TMED4: variants seen among roughly 807,000 people sequenced by gnomAD.
TMED4 encodes transmembrane emp24 domain-containing protein 4.
In TMED4, 19 loss-of-function variants were observed where a neutral mutation model predicts 26.5. The observed-to-expected ratio is 0.72, with a 90% CI of 0.50 to 1.05. The LOEUF is 1.05. Among genes scored for constraint, TMED4 ranks in the 50% least tolerant of loss-of-function variants. The probability of loss-of-function intolerance (pLI) is 0.00; values close to 1 mark genes in which losing one functional copy is unlikely to be tolerated. For synonymous variants in TMED4, 121 were observed against 119.8 expected (o/e 1.01, Z -0.07); for missense variants, 303 against 302.5 (o/e 1.00, Z -0.01).
chr7:44,581,859 T>G (rs777393634), intron 1 of TMED4, 36 bp from the exon 2 acceptor site: 180 of 1,603,436 alleles, frequency 1.1e-4, no homozygotes, highest in Admixed American at 3.5e-4. Flanking sequence ...CCGGCCCTAG[T>G]GGGCCGCCTC....
At chr7:44,582,008 C>G (rs368388972) in intron 1 of TMED4, 39 bp downstream of exon 1, 137 of 1,533,698 alleles carry the variant, frequency 8.9e-5, no homozygotes, top group Non-Finnish European at 1.2e-4. Context: ...GAGGGCTGAG[C>G]TGGGTACAAA....
Position 44,579,647 on chromosome 7 carries a change from G to A in TMED4, c.535-19C>T. 1.2e-6 allele frequency: 2 copies of A among 1,604,104 alleles called. No individual in the cohort carries two copies. The highest frequency in any genetic ancestry group is 2.2e-5 in the South Asian group (2 of 90,568). On this transcript the variant is annotated intron_variant, in intron 4 of 4. Transcript: ENST00000457408. ...CACGATACTGTGTGGGGCAACACAG[G>A]GTTAAGTGAGCAGGAGAAACAGTCT...
intron 4 of TMED4, 46 bp from the exon 5 acceptor site, chr7:44,579,674 G>A: frequency 6.3e-7 from 1 of 1,588,742 alleles, no homozygotes; most frequent in Non-Finnish European, 8.6e-7. Flanking sequence ...AAACAGTCTG[G>A]CTGTTGTGAG....
rs1803028127 is a variant in TMED4, at chr7:44,582,164, G to A, written c.43C>T (p.Gln15Ter). Residue 15 changes from glutamine to a stop codon, truncating the protein, a stop_gained, in exon 1 of 5, where the codon CAG becomes TAG. Transcript: ENST00000457408. LOFTEE classifies it high-confidence loss of function. ...GAGPLRAMGR[Q>*]ALLLLALCAT... is the part of the protein sequence containing the mutation. Reference sequence around the variant, plus strand: ...CACAGCGCGAGAAGCAGCAGGGCCTGCCGCCCCATCGCCCGCAGAGGCCCA... The same window carrying A: ...CACAGCGCGAGAAGCAGCAGGGCCTACCGCCCCATCGCCCGCAGAGGCCCA... The A allele has an allele frequency of 1.9e-6, 3 of 1,548,960 alleles. No individual in the cohort carries two copies. The highest frequency in any genetic ancestry group is 1.7e-6 in the Non-Finnish European group (2 of 1,146,394).
intron 2 of TMED4, 26 bp from the exon 3 acceptor site, chr7:44,581,600 C>G: frequency 1.2e-6 from 2 of 1,614,168 alleles, no homozygotes; most frequent in Non-Finnish European, 1.7e-6. Context: ...GTGAAGGCCC[C>G]ACCTTTATAC....
rs1433726360 is a variant in TMED4, at chr7:44,578,214, T to C, written c.*1265A>G. The stretch of plus-strand genomic sequence containing the variant: ...ACCACGAGTCCACAGTGAAGTCCAC[T>C]CCAGGTTATCTGCATAGGTAGCCCA... On this transcript the variant is annotated 3_prime_UTR_variant, in exon 5 of 5. Transcript: ENST00000457408. The C allele has an allele frequency of 6.6e-6, 1 of 152,200 alleles. No individual in the cohort carries two copies. Among genetic ancestry groups the C allele is most frequent in the Non-Finnish European group, 1.5e-5 (1 of 68,038 alleles). The allele number at this position is 152,200 out of a possible 1,614,324, so 9.4% of individuals were successfully genotyped here. A position where few individuals can be genotyped will look rare whatever the true frequency, so the allele number is the denominator to read the frequency against.
chr7:44,579,645 A>C lies in TMED4; in HGVS notation c.535-17T>G, dbSNP rs1212583213. ...TTCACGATACTGTGTGGGGCAACACAGGGTTAAGTGAGCAGGAGAAACAGT... is the reference window on the plus strand; with the variant it reads ...TTCACGATACTGTGTGGGGCAACACCGGGTTAAGTGAGCAGGAGAAACAGT... On this transcript the variant is annotated splice_polypyrimidine_tract_variant and intron_variant, in intron 4 of 4. Transcript: ENST00000457408. 6.2e-7 allele frequency: 1 copy of C among 1,609,076 alleles called. No homozygotes were observed. Among genetic ancestry groups the C allele is most frequent in the African/African-American group, 1.3e-5 (1 of 74,850 alleles).
intron 2 of TMED4, 69 bp downstream of exon 2, chr7:44,581,654 C>T (rs962747082): frequency 3.1e-6 from 5 of 1,613,720 alleles, no homozygotes; most frequent in Non-Finnish European, 4.2e-6. Context: ...GAGGCCTCCT[C>T]CAGGCAGTGC....
rs907242717 is a variant in TMED4 at position 44,582,159 on chromosome 7, G to A, written c.48C>T (p.Ala16=). The change falls in exon 1 of 5, where the codon GCC becomes GCT. Residue 16 remains alanine (A), a synonymous_variant. Coordinates refer to ENST00000457408, the MANE Select transcript of TMED4 (RefSeq NM_182547.4). ...TGGCGCACAGCGCGAGAAGCAGCAGGGCCTGCCGCCCCATCGCCCGCAGAG... is the reference window on the plus strand; with the variant it reads ...TGGCGCACAGCGCGAGAAGCAGCAGAGCCTGCCGCCCCATCGCCCGCAGAG... ...AGPLRAMGRQ[A]LLLLALCATG... 9.7e-6 allele frequency: 15 copies of A among 1,549,388 alleles called. No homozygotes were observed. The highest frequency in any genetic ancestry group is 1.2e-5 in the Non-Finnish European group (14 of 1,146,520).
In TMED4 at chr7:44,579,320, C is replaced by A; in HGVS notation, c.*159G>T. On this transcript the variant is annotated 3_prime_UTR_variant, in exon 5 of 5. Coordinates refer to ENST00000457408, the MANE Select transcript of TMED4 (RefSeq NM_182547.4). ...ACTAATGTCATGTGTCCTTAAGAAC[C>A]AGGGTCAGCAAGTGGCTGATCTGAA... 2 of 685,650 alleles carry A rather than the reference C, an allele frequency of 2.9e-6. No homozygotes were observed. The highest frequency in any genetic ancestry group is 2.3e-6 in the Non-Finnish European group (1 of 427,934). The allele number at this position is 685,650 out of a possible 1,614,324, so 42.5% of individuals were successfully genotyped here.
At chr7:44,582,023 C>T (rs770200956) in intron 1 of TMED4, 24 bp downstream of exon 1, 20 of 1,542,704 alleles carry the variant, frequency 1.3e-5, no homozygotes, top group Admixed American at 2.1e-5. Flanking sequence ...TACAAAGGGC[C>T]TCCCCACCCT....
chr7:44,579,328 G>T lies in TMED4; in HGVS notation c.*151C>A, dbSNP rs143671810. On this transcript the variant is annotated 3_prime_UTR_variant, in exon 5 of 5. Transcript: ENST00000457408. ...CATGTGTCCTTAAGAACCAGGGTCA[G>T]CAAGTGGCTGATCTGAATGGTTTGT... The T allele has an allele frequency of 2.8e-4, 208 of 741,682 alleles. 1 individual carries two copies. The African/African-American group carries it at 3.3e-3, about 12-fold the overall frequency. 45.9% of individuals were successfully genotyped at this position (741,682 alleles called of 1,614,324 possible). A position where few individuals can be genotyped will look rare whatever the true frequency, so the allele number is the denominator to read the frequency against.
Position 44,579,181 on chromosome 7 carries a change from T to G in TMED4, c.*298A>C. ...CAGAAGGTAATGGAGAGAGTTTTCATTTGCTTATTTAGTGAAAAACAGAGG... is the reference window on the plus strand; with the variant it reads ...CAGAAGGTAATGGAGAGAGTTTTCAGTTGCTTATTTAGTGAAAAACAGAGG... On this transcript the variant is annotated 3_prime_UTR_variant, in exon 5 of 5. Coordinates refer to ENST00000457408, the MANE Select transcript of TMED4 (RefSeq NM_182547.4). 4.0e-6 allele frequency: 1 copy of G among 247,366 alleles called. No individual in the cohort carries two copies. The highest frequency in any genetic ancestry group is 7.9e-6 in the Non-Finnish European group (1 of 126,066). The allele number at this position is 247,366 out of a possible 1,614,324, so 15.3% of individuals were successfully genotyped here.
rs769078712 is a variant in TMED4 at position 44,581,134 on chromosome 7, C to T, written c.493G>A (p.Asp165Asn). ...TCCTTCTGAATCTGTTCCACCTGATCAAGCAACTGGCGGGCGCGGAGCTGT... is the reference window on the plus strand; with the variant it reads ...TCCTTCTGAATCTGTTCCACCTGATTAAGCAACTGGCGGGCGCGGAGCTGT... The part of the protein sequence containing the change: ...ELQLRARQLL[D>N]QVEQIQKEQD... The change falls in exon 4 of 5, where the codon GAT becomes AAT. Residue 165 changes from aspartate (D) to asparagine (N), a missense_variant. Transcript: ENST00000457408. The T allele has an allele frequency of 1.9e-6, 3 of 1,614,054 alleles. No individual in the cohort carries two copies. The highest frequency in any genetic ancestry group is 2.2e-5 in the South Asian group (2 of 91,076).
Position 44,582,221 on chromosome 7 carries a change from T to C in TMED4, c.-15A>G. On this transcript the variant is annotated 5_prime_UTR_variant, in exon 1 of 5. Transcript: ENST00000457408. ...ACACCTGCCATCGCGCCTCAGCCCC[T>C]AAGCGCCTGCGCACATTTGCGCATC... 1 of 1,534,412 alleles carries C rather than the reference T, an allele frequency of 6.5e-7. No individual in the cohort carries two copies. The highest frequency in any genetic ancestry group is 2.4e-5 in the East Asian group (1 of 40,822).
At position 44,581,455 on chromosome 7, in the gene TMED4, G is replaced by A. The variant is rs539655351; in HGVS notation, c.381C>T (p.Gly127=). The A allele has an allele frequency of 4.3e-5, 70 of 1,614,208 alleles. No homozygotes were observed. The South Asian group carries it at 7.7e-4, about 18-fold the overall frequency. The change falls in exon 3 of 5, where the codon GGC becomes GGT. Residue 127 remains glycine, a synonymous_variant. Transcript: ENST00000457408. ...NSTRMALFAG[G]KLRVHLDIQV... ...AAAGAGAAAATCCTCTTACCAGTTTGCCACCAGCGAAGAGAGCCATCCTGG... is the reference window on the plus strand; with the variant it reads ...AAAGAGAAAATCCTCTTACCAGTTTACCACCAGCGAAGAGAGCCATCCTGG...
intron 4 of TMED4, 42 bp from the exon 5 acceptor site, chr7:44,579,670 T>G: frequency 3.1e-6 from 5 of 1,591,682 alleles, no homozygotes; most frequent in Non-Finnish European, 4.3e-6. Context: ...GGAGAAACAG[T>G]CTGGCTGTTG....
chr7:44,581,331 A>AAGG (rs1292616634), intron 3 of TMED4, 92 bp from the exon 4 acceptor site: 1 of 1,598,710 alleles, frequency 6.3e-7, no homozygotes, highest in African/African-American at 1.3e-5. Flanking sequence ...TGTGGAGCAG[A>AAGG]AGGCAACATC....
Position 44,581,828 on chromosome 7 carries a change from G to T in TMED4, c.161-5C>A. ...ACATCTGGGTACGATAGTTGCCTGC[G>T]GGGCAGACACATAGTCACGACCGGC... is the stretch of plus-strand genomic sequence containing the variant. On this transcript the variant is annotated splice_region_variant and splice_polypyrimidine_tract_variant and intron_variant, in intron 1 of 4. Transcript: ENST00000457408. The T allele has an allele frequency of 6.2e-7, 1 of 1,613,914 alleles. No homozygotes were observed. The highest frequency in any genetic ancestry group is 8.5e-7 in the Non-Finnish European group (1 of 1,179,862).
Sources: gnomAD v4.1 joint callset for allele counts on GRCh38, gnomAD v4.1.1 for gene constraint, MANE v1.5 for transcripts, NCBI Gene and HGNC (gene_info 2026-07-23, HGNC 2026-07-21) for gene names.